The following ITIH5 variants were observed in gnomAD, a reference collection of about 807,000 sequenced individuals.
ITIH5 encodes inter-alpha-trypsin inhibitor heavy chain H5.
A neutral mutation model predicts 77.5 loss-of-function variants in ITIH5; 65 were observed. The observed-to-expected ratio is 0.84, with a 90% CI of 0.69 to 1.03. ITIH5 has a LOEUF of 1.03. Ranked by LOEUF, ITIH5 falls within the 50% of genes least tolerant of loss-of-function variation. ITIH5 has a pLI of 0.00. For missense variants in ITIH5, 1,208 were observed against 1,213.1 expected, an observed-to-expected ratio of 1.00 and a Z score of 0.06; for synonymous variants, 525 against 494.3, an observed-to-expected ratio of 1.06 and a Z score of -0.82.
intron 7 of ITIH5, among the ~76,000 whole-genome samples, chr10:7,615,242 A>T (rs1007803238): frequency 2.0e-5 from 3 of 152,036 alleles, no homozygotes; most frequent in Non-Finnish European, 4.4e-5. Flanking sequence ...CAAGAGCAAA[A>T]CTCCATCTCA....
intron 12 of ITIH5, among the ~76,000 whole-genome samples, chr10:7,566,951 G>A (rs144752139): frequency 1.1e-4 from 17 of 150,522 alleles, no homozygotes; most frequent in African/African-American, 3.7e-4. Context: ...CCTGCCCAAC[G>A]CATCAAGTTA....
At chr10:7,571,933 T>C (rs1409841432) in intron 11 of ITIH5, 12 of 987,186 alleles carry the variant, frequency 1.2e-5, no homozygotes, top group Non-Finnish European at 1.4e-5. Flanking sequence ...AGGACAACTG[T>C]CTAGCTCATC....
At chr10:7,581,243 G>C (rs1200766441) in intron 8 of ITIH5, among the ~76,000 whole-genome samples, 1 of 151,954 alleles carries the variant, frequency 6.6e-6, no homozygotes. Context: ...CTGGGAAACA[G>C]AGTGAGACGC....
intron 2 of ITIH5, among the ~76,000 whole-genome samples, chr10:7,651,386 C>T (rs866804377): frequency 6.6e-6 from 1 of 152,120 alleles, no homozygotes; most frequent in South Asian, 2.1e-4. Flanking sequence ...GAGTTTAAGA[C>T]CAGCCTGGCC....
intron 2 of ITIH5, among the ~76,000 whole-genome samples, chr10:7,653,359 A>G (rs1834131285): frequency 6.6e-6 from 1 of 152,016 alleles, no homozygotes; most frequent in Non-Finnish European, 1.5e-5. Flanking sequence ...GGCATACACC[A>G]CCACGCTTGG....
rs1417372811 is a variant in ITIH5 at position 7,566,044 on chromosome 10, C to T, written c.2513G>A (p.Cys838Tyr). The change falls in exon 13 of 14, where the codon TGC becomes TAC. Residue 838 changes from cysteine (C) to tyrosine (Y), a missense_variant. Physicochemically the swap from Cys to Tyr is radical, Grantham distance 194 (BLOSUM62 -2). Transcript: ENST00000397146. ...CAGCTTCCTACCCAGCAGTCCGTGG[C>T]AGTTGCTGGAAAGGCCCTCGCTGTT... ...IANSEGLSSN[C>Y]HGLLGQFLNQ... The T allele has an allele frequency of 6.2e-7, 1 of 1,613,830 alleles. No homozygotes were observed. The highest frequency in any genetic ancestry group is 1.7e-5 in the Admixed American group (1 of 60,020).
At chr10:7,612,504 A>G (rs1275438062) in intron 7 of ITIH5, among the ~76,000 whole-genome samples, 1 of 152,174 alleles carries the variant, frequency 6.6e-6, no homozygotes, top group Non-Finnish European at 1.5e-5. Context: ...CATAAGATAT[A>G]TTCATAATAT....
At position 7,572,196 on chromosome 10, in the gene ITIH5, C is replaced by T. The variant is rs925521459; in HGVS notation, c.2032+946G>A. Reference sequence around the variant, plus strand: ...TATCCACAGCTCATCTCCGGGATGTCCCTGGCTTTAGGAACTTGCACGTAC... The same window carrying T: ...TATCCACAGCTCATCTCCGGGATGTTCCTGGCTTTAGGAACTTGCACGTAC... On this transcript the variant is annotated intron_variant, in intron 11 of 13. Coordinates refer to ENST00000397146, the MANE Select transcript of ITIH5 (RefSeq NM_030569.7). The T allele has an allele frequency of 6.6e-6, 8 of 1,216,158 alleles. No individual in the cohort carries two copies. In the African/African-American group the frequency reaches 1.1e-4, roughly 17 times the overall value. The allele number at this position is 1,216,158 out of a possible 1,614,324, so 75.3% of individuals were successfully genotyped here. A position where few individuals can be genotyped will look rare whatever the true frequency, so the allele number is the denominator to read the frequency against.
chr10:7,637,032 A>T (rs1833809074), intron 5 of ITIH5, among the ~76,000 whole-genome samples, 196 bp downstream of exon 5: 1 of 152,170 alleles, frequency 6.6e-6, no homozygotes, highest in East Asian at 1.9e-4. Context: ...GCCTGGCGAC[A>T]GAGGACTTCG....
At chr10:7,638,388 A>G (rs925092743) in intron 4 of ITIH5, among the ~76,000 whole-genome samples, 2 of 152,246 alleles carry the variant, frequency 1.3e-5, no homozygotes, top group Non-Finnish European at 2.9e-5. Context: ...AATGAATGAA[A>G]AGAGACTGAC....
At chr10:7,598,815 T>A (rs1832959303) in intron 7 of ITIH5, among the ~76,000 whole-genome samples, 1 of 152,232 alleles carries the variant, frequency 6.6e-6, no homozygotes, top group Non-Finnish European at 1.5e-5. Flanking sequence ...AAAGATTAAA[T>A]TCTGGCTAAA....
chr10:7,587,843 C>T (rs11255213), intron 7 of ITIH5, among the ~76,000 whole-genome samples: 43,005 of 151,986 alleles, frequency 0.28, 6,376 homozygotes, highest in East Asian at 0.49. Flanking sequence ...GTCTCTTCCC[C>T]GGTTCATGAC....
rs552171688 is a variant in ITIH5 at position 7,574,832 on chromosome 10, G to A, written c.1978+1621C>T. On this transcript the variant is annotated intron_variant, in intron 10 of 13. Transcript: ENST00000397146. Reference sequence around the variant, plus strand: ...AAAAAAAGCAAAAAAAAACCCTTTCGAGTAGTCAGTTGGTTATCTCCTCCT... The same window carrying A: ...AAAAAAAGCAAAAAAAAACCCTTTCAAGTAGTCAGTTGGTTATCTCCTCCT... 7.0e-5 allele frequency among the ~76,000 whole-genome samples: 10 copies of A among 143,844 alleles called. No individual in the cohort carries two copies. The South Asian group carries it at 2.2e-3, about 32-fold the overall frequency. 94.4% of individuals were successfully genotyped at this position (143,844 alleles called of 152,430 possible). A position where few individuals can be genotyped will look rare whatever the true frequency, so the allele number is the denominator to read the frequency against.
At chr10:7,628,941 G>GTCCATGTTGTGGCGTGTA (rs1833647406) in intron 5 of ITIH5, among the ~76,000 whole-genome samples, 1 of 112,806 alleles carries the variant, frequency 8.9e-6, no homozygotes, top group African/African-American at 3.8e-5. Context: ...TTTCACATGT[G>GTCCATGTTGTGGCGTGTA]TCCATGTTGT....
At chr10:7,597,912 T>C (rs1250744585) in intron 7 of ITIH5, among the ~76,000 whole-genome samples, 1 of 152,210 alleles carries the variant, frequency 6.6e-6, no homozygotes. Context: ...CAGATTTTTT[T>C]TTTTTAATCC....
intron 1 of ITIH5, among the ~76,000 whole-genome samples, chr10:7,664,886 C>T (rs762940228): frequency 6.6e-6 from 1 of 152,152 alleles, no homozygotes; most frequent in Non-Finnish European, 1.5e-5. Flanking sequence ...TTTTCAAAAT[C>T]CTAAGTAATT....
intron 8 of ITIH5, among the ~76,000 whole-genome samples, chr10:7,583,265 C>A (rs1320533988): frequency 1.3e-5 from 2 of 152,202 alleles, no homozygotes; most frequent in East Asian, 3.8e-4. Context: ...ATAATTCTTG[C>A]TAAGATGCAG....
intron 5 of ITIH5, among the ~76,000 whole-genome samples, chr10:7,631,880 G>A (rs144492481): frequency 1.2e-3 from 184 of 151,668 alleles, no homozygotes; most frequent in East Asian, 0.011. Flanking sequence ...TCCGCCTCCC[G>A]GGTTCAAGCA....
At chr10:7,611,635 GT>G (rs994044545) in intron 7 of ITIH5, among the ~76,000 whole-genome samples, 1 of 151,974 alleles carries the variant, frequency 6.6e-6, no homozygotes, top group Admixed American at 6.6e-5. Context: ...CTAGTAGCTT[GT>G]TTTATATCCT....
Sources: allele counts gnomAD v4.1 joint callset (sites outside exome capture counted in the v4.1 genomes callset), GRCh38; gene constraint gnomAD v4.1.1; transcripts MANE v1.5; gene names NCBI Gene and HGNC (gene_info 2026-07-23, HGNC 2026-07-21).